The following PLCB1 variants were observed in gnomAD, a reference collection of about 807,000 sequenced individuals.
The protein encoded by PLCB1 is 1-phosphatidylinositol 4,5-bisphosphate phosphodiesterase beta-1.
Under a neutral mutation model 161.8 loss-of-function variants are expected in PLCB1, and 46 were observed. The observed-to-expected ratio is 0.28, with a 90% CI of 0.22 to 0.36. The LOEUF (loss-of-function observed/expected upper bound fraction) is 0.36, where lower values mean the gene tolerates loss of function less well. Ranked by LOEUF, PLCB1 falls within the 10% of genes least tolerant of loss-of-function variation. PLCB1 has a pLI of 1.00. For synonymous variants in PLCB1, 517 were observed against 503.7 expected (o/e 1.03, Z -0.35); for missense variants, 1,016 against 1,472.5 (o/e 0.69, Z 5.07).
chr20:8,557,011 TAAAATAAA>T (rs1985983455), intron 3 of PLCB1, among the ~76,000 whole-genome samples: 1 of 116,596 alleles, frequency 8.6e-6, no homozygotes, highest in African/African-American at 4.1e-5. Context: ...AATAAATAAA[TAAAATAAA>T]TAAAAAAAAT....
intron 3 of PLCB1, among the ~76,000 whole-genome samples, chr20:8,510,655 T>C (rs535381517): frequency 1.3e-5 from 2 of 152,226 alleles, no homozygotes; most frequent in African/African-American, 4.8e-5. Context: ...CCTCCCAAAG[T>C]GCTGGGATTA....
chr20:8,625,942 C>T (rs1279893641), intron 3 of PLCB1, among the ~76,000 whole-genome samples: 1 of 151,978 alleles, frequency 6.6e-6, no homozygotes, highest in Non-Finnish European at 1.5e-5. Flanking sequence ...CTTTGGGAGG[C>T]TGAGGTAGGT....
intron 2 of PLCB1, among the ~76,000 whole-genome samples, chr20:8,194,391 T>C (rs2052001452): frequency 6.6e-6 from 1 of 151,968 alleles, no homozygotes; most frequent in South Asian, 2.1e-4. Flanking sequence ...AAAACTCCCG[T>C]AAGTGCACCC....
chr20:8,263,215 G>A (rs56925174), intron 2 of PLCB1, among the ~76,000 whole-genome samples: 3,734 of 152,228 alleles, frequency 0.025, 143 homozygotes, highest in African/African-American at 0.085. Flanking sequence ...TAAGTGTTCA[G>A]TAACTGGTAA....
rs752634021 is a variant in PLCB1, at chr20:8,717,824, T to G, written c.1489T>G (p.Phe497Val). The change falls in exon 14 of 32, where the codon TTC (phenylalanine) becomes GTC (valine). Residue 497 changes from phenylalanine (F) to valine (V), a missense_variant. Transcript: ENST00000338037. ...CACCTACAGTGACTCCTCCAGCATG[T>G]TCGAGCCCTCATCCCCAGGAGCCGG... ...SNTYSDSSSM[F>V]EPSSPGAGEA... 2.3e-5 allele frequency: 37 copies of G among 1,608,818 alleles called. No individual in the cohort carries two copies. In the African/African-American group the frequency reaches 5.0e-4, roughly 22 times the overall value.
chr20:8,422,348 C>T (rs1046524761), intron 3 of PLCB1, among the ~76,000 whole-genome samples: 1 of 152,148 alleles, frequency 6.6e-6, no homozygotes, highest in African/African-American at 2.4e-5. Context: ...ACAGGTGAAA[C>T]ATTTATAAGG....
chr20:8,717,889 G>T (rs771368445), intron 14 of PLCB1, 41 bp downstream of exon 14: 3 of 1,571,474 alleles, frequency 1.9e-6, no homozygotes, highest in East Asian at 4.5e-5. Context: ...TTTTGTGTTG[G>T]TTTAAGAATT....
chr20:8,630,887 A>C (rs6055958), intron 4 of PLCB1, among the ~76,000 whole-genome samples: 147,318 of 152,266 alleles, frequency 0.97, 71,274 homozygotes, highest in East Asian at 0.99. Context: ...TCTGTGGGTT[A>C]CTAGCCACTA....
At chr20:8,328,401 G>C (rs987064750) in intron 2 of PLCB1, among the ~76,000 whole-genome samples, 5 of 152,038 alleles carry the variant, frequency 3.3e-5, no homozygotes, top group South Asian at 2.1e-4. Context: ...GGTATCTGCA[G>C]CCAGCTTCTC....
At chr20:8,246,873 T>C (rs1025110641) in intron 2 of PLCB1, among the ~76,000 whole-genome samples, 1 of 151,926 alleles carries the variant, frequency 6.6e-6, no homozygotes, top group African/African-American at 2.4e-5. Context: ...ACTGAATCTT[T>C]CCACTCTTTA....
chr20:8,626,899 C>T (rs77627352), intron 3 of PLCB1, among the ~76,000 whole-genome samples: 21,939 of 152,136 alleles, frequency 0.14, 1,583 homozygotes, highest in Middle Eastern at 0.21. Context: ...TCATTCTTCC[C>T]GAACATTCTC....
At position 8,722,399 on chromosome 20, in the gene PLCB1, G is replaced by T; in HGVS notation, c.1559G>T (p.Cys520Phe). 2 of 1,610,558 alleles carry T rather than the reference G, an allele frequency of 1.2e-6. No homozygotes were observed. Among genetic ancestry groups the T allele is most frequent in the Non-Finnish European group, 1.7e-6 (2 of 1,178,614 alleles). Residue 520 changes from cysteine to phenylalanine, a missense_variant, in exon 15 of 32, where the codon TGT becomes TTT. This residue lies in a region of PLCB1 where 109 missense variants were observed against 129.7 expected (regional missense o/e 0.84). Transcript: ENST00000338037. Reference sequence around the variant, plus strand: ...GACGACGACGATGATGATGATGACTGTAAAAAATCTTCAATGGATGAGGTG... The same window carrying T: ...GACGACGACGATGATGATGATGACTTTAAAAAATCTTCAATGGATGAGGTG... The part of the protein sequence containing the change: ...ESDDDDDDDD[C>F]KKSSMDEGTA...
chr20:8,607,410 A>G (rs1323555616), intron 3 of PLCB1, among the ~76,000 whole-genome samples: 4 of 152,192 alleles, frequency 2.6e-5, no homozygotes, highest in African/African-American at 9.7e-5. Flanking sequence ...TCCCTCTAAG[A>G]GCCCTTGTGA....
intron 3 of PLCB1, among the ~76,000 whole-genome samples, chr20:8,546,043 G>A (rs182584546): frequency 3.9e-5 from 6 of 152,212 alleles, no homozygotes; most frequent in Middle Eastern, 3.4e-3. Flanking sequence ...TTGGCTGGGC[G>A]CGGTGGCTCA....
Position 8,722,486 on chromosome 20 carries a change from C to T in PLCB1, c.1581+65C>T, listed in dbSNP as rs182176801. ...ACCCTGTACTCTCCTGGGTCTGTCT[C>T]ATGGTCACTTTCTGCCATCTAGTGG... On this transcript the variant is annotated intron_variant, in intron 15 of 31. Transcript: ENST00000338037. 1,547 of 1,205,504 alleles carry T rather than the reference C, an allele frequency of 1.3e-3. 25 individuals are homozygous for T. The Admixed American group carries it at 0.035, about 27-fold the overall frequency. 74.7% of individuals were successfully genotyped at this position (1,205,504 alleles called of 1,614,324 possible).
At chr20:8,167,310 C>T (rs1272830774) in intron 2 of PLCB1, among the ~76,000 whole-genome samples, 1 of 152,046 alleles carries the variant, frequency 6.6e-6, no homozygotes, top group Non-Finnish European at 1.5e-5. Flanking sequence ...GTTTTTATTA[C>T]CATTGGAAAT....
chr20:8,315,503 G>A (rs1258452315), intron 2 of PLCB1, among the ~76,000 whole-genome samples: 1 of 152,116 alleles, frequency 6.6e-6, no homozygotes, highest in Non-Finnish European at 1.5e-5. Flanking sequence ...AGAAATAACT[G>A]GCCTTCAAGT....
chr20:8,644,091 T>C (rs1396103544), intron 4 of PLCB1, among the ~76,000 whole-genome samples: 10 of 152,204 alleles, frequency 6.6e-5, no homozygotes, highest in Non-Finnish European at 1.3e-4. Context: ...TCTGGTTCAC[T>C]CAGTGCTCAA....
At chr20:8,709,793 T>G (rs1978893446) in intron 12 of PLCB1, among the ~76,000 whole-genome samples, 1 of 152,220 alleles carries the variant, frequency 6.6e-6, no homozygotes. Context: ...TCTGCTTCAT[T>G]ATGCAACAAT....
Sources: gnomAD v4.1 joint callset for allele counts (sites outside exome capture counted in the v4.1 genomes callset) on GRCh38, gnomAD v4.1.1 for gene constraint, gnomAD v4.1.1 regional missense constraint, MANE v1.5 for transcripts, NCBI Gene and HGNC (gene_info 2026-07-23, HGNC 2026-07-21) for gene names.